ANO4: variants seen among roughly 807,000 people sequenced by gnomAD.
ANO4 encodes the protein anoctamin-4.
In ANO4, 69 loss-of-function variants were observed where a neutral mutation model predicts 141.9. The ratio of observed to expected loss-of-function variants is 0.49; its 90% CI spans 0.40 to 0.59. The LOEUF (loss-of-function observed/expected upper bound fraction) is 0.59, where lower values mean the gene tolerates loss of function less well. Among genes scored for constraint, ANO4 ranks in the 20% least tolerant of loss-of-function variants. The probability of loss-of-function intolerance (pLI) is 0.00; values close to 1 mark genes in which losing one functional copy is unlikely to be tolerated. For synonymous variants in ANO4, 350 were observed against 394.3 expected, an observed-to-expected ratio of 0.89 and a Z score of 1.33; for missense variants, 894 against 1,162.2, an observed-to-expected ratio of 0.77 and a Z score of 3.36.
chr12:100,953,925 G>T (rs1252601916), intron 5 of ANO4, among the ~76,000 whole-genome samples: 1 of 152,160 alleles, frequency 6.6e-6, no homozygotes, highest in Non-Finnish European at 1.5e-5. Flanking sequence ...CTGTGGGATA[G>T]AGGTAAACTC....
intron 2 of ANO4, among the ~76,000 whole-genome samples, chr12:100,736,658 G>A (rs889305887): frequency 4.6e-5 from 7 of 152,182 alleles, no homozygotes; most frequent in Admixed American, 2.6e-4. Context: ...TTTGGAAATA[G>A]GGTCTTTGCA....
At chr12:100,917,285 T>C (rs2041387961) in intron 2 of ANO4, among the ~76,000 whole-genome samples, 1 of 152,196 alleles carries the variant, frequency 6.6e-6, no homozygotes, top group Non-Finnish European at 1.5e-5. Flanking sequence ...TTGTACTTAA[T>C]TGCATGTTAA....
At chr12:100,910,623 T>G (rs1451832194) in intron 2 of ANO4, among the ~76,000 whole-genome samples, 1 of 151,952 alleles carries the variant, frequency 6.6e-6, no homozygotes, top group East Asian at 1.9e-4. Flanking sequence ...CTGATTTTGA[T>G]TTTTTTGAGT....
chr12:100,743,890 G>T (rs1380606362), intron 3 of ANO4, among the ~76,000 whole-genome samples: 2 of 152,040 alleles, frequency 1.3e-5, no homozygotes, highest in South Asian at 2.1e-4. Flanking sequence ...AGTAGGCCTT[G>T]GTGTCTGTTG....
chr12:100,843,638 T>C (rs1346644244), intron 1 of ANO4, among the ~76,000 whole-genome samples: 1 of 152,176 alleles, frequency 6.6e-6, no homozygotes, highest in Non-Finnish European at 1.5e-5. Context: ...CATAAAATCC[T>C]GTTATTGTTA....
In ANO4 at chr12:100,730,878, G is replaced by A. The variant is rs557869076; in HGVS notation, c.23-2896G>A. Among the ~76,000 whole-genome samples, 63 of 152,260 alleles carry A rather than the reference G, an allele frequency of 4.1e-4. 1 individual carries two copies. In the South Asian group the frequency reaches 0.013, roughly 32 times the overall value. ...CATTTACCTTTCTGTTTGTGAATGT[G>A]CACTGGCCTCTGAGAGCCACCACTG... is the stretch of plus-strand genomic sequence containing the variant. On this transcript the variant is annotated intron_variant, in intron 1 of 29. Transcript: ENST00000644049.
intron 14 of ANO4, among the ~76,000 whole-genome samples, chr12:101,057,016 C>G (rs1264118450): frequency 6.6e-6 from 1 of 151,236 alleles, no homozygotes; most frequent in Non-Finnish European, 1.5e-5. Context: ...CCCCCTATCC[C>G]CCAACAGGCC....
chr12:100,876,247 G>A (rs2039295264), intron 1 of ANO4, among the ~76,000 whole-genome samples: 1 of 131,958 alleles, frequency 7.6e-6, no homozygotes, highest in Admixed American at 8.1e-5. Flanking sequence ...TGAGAAGAAA[G>A]AGATTGTGAG....
chr12:100,862,926 G>C (rs184673014), intron 1 of ANO4, among the ~76,000 whole-genome samples: 14 of 152,338 alleles, frequency 9.2e-5, no homozygotes, highest in Admixed American at 8.5e-4. Context: ...AAAGAGGGAA[G>C]AGGTATTATG....
intron 5 of ANO4, among the ~76,000 whole-genome samples, chr12:100,954,688 G>A (rs1655402647): frequency 6.6e-6 from 1 of 152,160 alleles, no homozygotes; most frequent in African/African-American, 2.4e-5. Flanking sequence ...ATACCCAGAT[G>A]GTTTAAAAGT....
intron 3 of ANO4, among the ~76,000 whole-genome samples, chr12:100,931,917 T>C (rs1231822571): frequency 6.6e-6 from 1 of 152,062 alleles, no homozygotes; most frequent in East Asian, 1.9e-4. Context: ...GGACTTATTA[T>C]AAAACAATCT....
chr12:100,976,252 G>T (rs1399836367), intron 7 of ANO4, among the ~76,000 whole-genome samples: 2 of 152,186 alleles, frequency 1.3e-5, no homozygotes, highest in Non-Finnish European at 2.9e-5. Context: ...TATATGCTAT[G>T]TTGAGTGATA....
chr12:100,944,812 G>A (rs1253296585), intron 5 of ANO4, among the ~76,000 whole-genome samples: 1 of 152,134 alleles, frequency 6.6e-6, no homozygotes, highest in African/African-American at 2.4e-5. Context: ...ATATCCCTTG[G>A]CTGAACAGTA....
At chr12:101,004,498 C>T (rs1318343600) in intron 8 of ANO4, among the ~76,000 whole-genome samples, 1 of 152,206 alleles carries the variant, frequency 6.6e-6, no homozygotes, top group Non-Finnish European at 1.5e-5. Flanking sequence ...AAGGTCCTTT[C>T]ACCTGTTCTC....
chr12:100,989,354 G>A (rs1194849223), intron 8 of ANO4, among the ~76,000 whole-genome samples: 4 of 152,210 alleles, frequency 2.6e-5, no homozygotes, highest in African/African-American at 7.2e-5. Context: ...CCCCTACCAT[G>A]TCTCTCTTGT....
chr12:100,954,958 A>G (rs2043122693), intron 5 of ANO4, among the ~76,000 whole-genome samples: 1 of 152,094 alleles, frequency 6.6e-6, no homozygotes, highest in African/African-American at 2.4e-5. Context: ...CAGGGGAGGG[A>G]AAAGAAACAA....
At chr12:100,853,784 C>T (rs989535463) in intron 1 of ANO4, among the ~76,000 whole-genome samples, 2 of 152,076 alleles carry the variant, frequency 1.3e-5, no homozygotes, top group Non-Finnish European at 2.9e-5. Flanking sequence ...TATCTCTGTC[C>T]TCTTCCCAAA....
chr12:100,974,943 T>C, intron 7 of ANO4, 54 bp downstream of exon 7: 1 of 1,585,156 alleles, frequency 6.3e-7, no homozygotes, highest in East Asian at 2.2e-5. Flanking sequence ...GCCCGTGTGC[T>C]CCAACAATGA....
intron 25 of ANO4, among the ~76,000 whole-genome samples, chr12:101,119,475 T>C (rs761642165): frequency 1.1e-4 from 17 of 151,832 alleles, no homozygotes; most frequent in Admixed American, 2.0e-4. Flanking sequence ...AAAGAAAATA[T>C]AGGAATGACC....
Sources: allele counts gnomAD v4.1 joint callset (sites outside exome capture counted in the v4.1 genomes callset), GRCh38; gene constraint gnomAD v4.1.1; transcripts MANE v1.5; gene names NCBI Gene and HGNC (gene_info 2026-07-23, HGNC 2026-07-21).